Variants in RBFOX2 observed in about 807,000 individuals in gnomAD.
The protein encoded by RBFOX2 is RNA binding protein fox-1 homolog 2.
A neutral mutation model predicts 49.1 loss-of-function variants in RBFOX2; 10 were observed. The ratio of observed to expected loss-of-function variants is 0.20; its 90% confidence interval spans 0.13 to 0.35. RBFOX2 has a LOEUF of 0.35. Ranked by LOEUF, RBFOX2 falls within the 10% of genes least tolerant of loss-of-function variation. The pLI is 1.00. For synonymous variants in RBFOX2, 183 were observed against 187.4 expected (o/e 0.98, Z 0.19); for missense variants, 323 against 486.9 (o/e 0.66, Z 3.17).
chr22:35,869,903 C>T (rs926314036), intron 1 of RBFOX2, among the ~76,000 whole-genome samples: 9 of 152,120 alleles, frequency 5.9e-5, no homozygotes, highest in African/African-American at 2.2e-4. Flanking sequence ...TTTCATCAAC[C>T]CAGAATAGCA....
intron 1 of RBFOX2, chr22:35,995,116 G>A (rs893715903): frequency 1.1e-4 from 16 of 152,172 alleles, no homozygotes; most frequent in African/African-American, 3.6e-4. Flanking sequence ...CTACTTTGAA[G>A]AACTGAAAAG....
intron 1 of RBFOX2, among the ~76,000 whole-genome samples, chr22:35,918,039 G>A (rs532306783): frequency 6.6e-6 from 1 of 152,274 alleles, no homozygotes; most frequent in Admixed American, 6.5e-5. Flanking sequence ...ATGTAAAACG[G>A]GGGTGATATG....
chr22:35,758,322 C>T (rs1252850596), intron 9 of RBFOX2, among the ~76,000 whole-genome samples: 1 of 152,170 alleles, frequency 6.6e-6, no homozygotes, highest in Non-Finnish European at 1.5e-5. Context: ...ACTGAAACGA[C>T]TACATTGAAC....
exon 1 of RBFOX2, chr22:36,028,449 G>A (rs912974203): frequency 8.5e-6 from 10 of 1,182,878 alleles, no homozygotes; most frequent in Middle Eastern, 3.4e-4. Flanking sequence ...CCTCGCCTCC[G>A]GGAGCCGGGC....
At chr22:35,929,632 TA>T (rs1228032417) in intron 1 of RBFOX2, among the ~76,000 whole-genome samples, 1 of 152,200 alleles carries the variant, frequency 6.6e-6, no homozygotes, top group Non-Finnish European at 1.5e-5. Flanking sequence ...TCCATTTATA[TA>T]AAATGTCCAA....
At chr22:35,797,225 C>A (rs981967939) in intron 2 of RBFOX2, among the ~76,000 whole-genome samples, 9 of 151,994 alleles carry the variant, frequency 5.9e-5, no homozygotes, top group Non-Finnish European at 1.2e-4. Flanking sequence ...TATATAGGGG[C>A]AATAACTACT....
At position 35,909,902 on chromosome 22, in the gene RBFOX2, T is replaced by A. The variant is rs558970541; in HGVS notation, c.-34+28945A>T. Among the ~76,000 whole-genome samples, 11 of 152,342 alleles carry A rather than the reference T, an allele frequency of 7.2e-5. No homozygotes were observed. In the South Asian group the frequency reaches 2.3e-3, roughly 32 times the overall value. ...TGCTGGGATTATAGGCGTGAGCCAC[T>A]GTGCCGGGCCTTACTTTCTTTTTTA... On this transcript the variant is annotated intron_variant, in intron 1 of 13. Transcript: ENST00000359369.
chr22:35,832,229 T>A (rs1306536022), intron 1 of RBFOX2, among the ~76,000 whole-genome samples: 1 of 151,604 alleles, frequency 6.6e-6, no homozygotes, highest in African/African-American at 2.4e-5. Context: ...AAAAATTAAC[T>A]GGGCATGGTG....
At chr22:35,966,357 T>C (rs556377924), upstream of RBFOX2, among the ~76,000 whole-genome samples, 18 of 152,132 alleles carry the variant, frequency 1.2e-4, no homozygotes, top group African/African-American at 4.3e-4. Flanking sequence ...TGCCTAGGAG[T>C]GGAATGACTG....
intron 1 of RBFOX2, among the ~76,000 whole-genome samples, chr22:35,932,056 C>T (rs2052482709): frequency 1.3e-5 from 2 of 152,124 alleles, no homozygotes; most frequent in South Asian, 4.1e-4. Context: ...GACATAAAAG[C>T]AACTGCCTCC....
At chr22:35,934,931 G>C (rs2052878639) in intron 1 of RBFOX2, among the ~76,000 whole-genome samples, 2 of 151,902 alleles carry the variant, frequency 1.3e-5, no homozygotes, top group African/African-American at 4.8e-5. Flanking sequence ...TCCTGCCTGG[G>C]TTTATTTATT....
At chr22:35,975,476 T>G (rs2057100136) in intron 1 of RBFOX2, among the ~76,000 whole-genome samples, 1 of 152,342 alleles carries the variant, frequency 6.6e-6, no homozygotes, top group Middle Eastern at 3.4e-3. Flanking sequence ...GAAAATGTAA[T>G]GCCAAGAAGC....
At chr22:36,009,571 T>G (rs970007299) in intron 1 of RBFOX2, among the ~76,000 whole-genome samples, 7 of 152,080 alleles carry the variant, frequency 4.6e-5, no homozygotes. Context: ...TGTTTTTTTG[T>G]AAAGGCGGGG....
chr22:35,804,574 C>T (rs569790890), intron 2 of RBFOX2, among the ~76,000 whole-genome samples: 1 of 152,106 alleles, frequency 6.6e-6, no homozygotes, highest in Non-Finnish European at 1.5e-5. Context: ...AATCAGCTGA[C>T]TCCCATGGGA....
At chr22:35,911,475 C>A (rs1365562858) in intron 1 of RBFOX2, among the ~76,000 whole-genome samples, 1 of 152,100 alleles carries the variant, frequency 6.6e-6, no homozygotes, top group Non-Finnish European at 1.5e-5. Context: ...TAAAGTTTTG[C>A]ATCTTTTAAA....
At chr22:35,942,790 T>C (rs1268978191), upstream of RBFOX2, among the ~76,000 whole-genome samples, 2 of 151,908 alleles carry the variant, frequency 1.3e-5, no homozygotes, top group African/African-American at 4.8e-5. Context: ...AAACTTCTAA[T>C]AGTGGTTACC....
At chr22:35,962,174 C>A (rs574400325), upstream of RBFOX2, among the ~76,000 whole-genome samples, 37 of 152,342 alleles carry the variant, frequency 2.4e-4, no homozygotes, top group Non-Finnish European at 4.6e-4. Context: ...AAGTCTTTAA[C>A]CTCTTAGAAG....
chr22:35,898,231 C>A, intron 1 of RBFOX2: 3 of 757,118 alleles, frequency 4.0e-6, no homozygotes, highest in Non-Finnish European at 7.3e-6. Flanking sequence ...TGCTCCAAAC[C>A]CAGTGGCCAC....
At chr22:35,798,291 T>C (rs1163148959) in intron 2 of RBFOX2, among the ~76,000 whole-genome samples, 1 of 152,242 alleles carries the variant, frequency 6.6e-6, no homozygotes, top group Non-Finnish European at 1.5e-5. Flanking sequence ...GTTTTTCTAC[T>C]GGAACTTCTA....
Sources: gnomAD v4.1 joint callset for allele counts (sites outside exome capture counted in the v4.1 genomes callset) on GRCh38, gnomAD v4.1.1 for gene constraint, MANE v1.5 for transcripts, NCBI Gene and HGNC (gene_info 2026-07-23, HGNC 2026-07-21) for gene names.